The following PCDHA10 variants were observed in gnomAD, a reference collection of about 807,000 sequenced individuals.
PCDHA10 encodes protocadherin alpha 10.
In PCDHA10, 45 loss-of-function variants were observed where a neutral mutation model predicts 61.2. That is an observed-to-expected ratio of 0.74 (90% CI 0.58 to 0.94). PCDHA10 has a LOEUF of 0.94. PCDHA10 is among the 40% of genes least tolerant of loss of function. The pLI, the probability that PCDHA10 is intolerant of heterozygous loss-of-function variation, is 0.00. For missense variants in PCDHA10, 1,278 were observed against 1,236.2 expected, an observed-to-expected ratio of 1.03 and a Z score of -0.51; for synonymous variants, 602 against 548.8, an observed-to-expected ratio of 1.10 and a Z score of -1.35.
chr5:140,884,314 G>A, intron 1 of PCDHA10: 1 of 1,613,760 alleles, frequency 6.2e-7, no homozygotes, highest in Non-Finnish European at 8.5e-7. Context: ...CGTCGAGGGC[G>A]TCGGCAGGCG....
rs147047116 is a variant in PCDHA10, at chr5:140,937,713, C to T, written c.2389-41236C>T. Among the ~76,000 whole-genome samples the T allele has an allele frequency of 7.0e-4, 107 of 151,998 alleles. No homozygotes were observed. The East Asian group carries it at 0.02, about 28-fold the overall frequency. On this transcript the variant is annotated intron_variant, in intron 1 of 3. Transcript: ENST00000307360. The stretch of plus-strand genomic sequence containing the variant: ...GGATCACGAGGTCAGGAGATCAAGA[C>T]CATCCTGGCTAACACGGTGAAACCC...
chr5:140,884,598 C>T (rs782317237), intron 1 of PCDHA10: 4 of 1,614,108 alleles, frequency 2.5e-6, no homozygotes. Flanking sequence ...CCCAGCCTTC[C>T]TCCTTGTCTG....
chr5:141,007,079 TAGAGA>T (rs1308407580), intron 3 of PCDHA10, among the ~76,000 whole-genome samples: 1 of 151,804 alleles, frequency 6.6e-6, no homozygotes, highest in African/African-American at 2.4e-5. Flanking sequence ...GAAGAGAAAA[TAGAGA>T]AGAGAGTCTA....
intron 1 of PCDHA10, among the ~76,000 whole-genome samples, chr5:140,941,846 C>T (rs2093181493): frequency 6.6e-6 from 1 of 152,178 alleles, no homozygotes; most frequent in Non-Finnish European, 1.5e-5. Flanking sequence ...CTGCCATTAC[C>T]TGATATTCCC....
intron 1 of PCDHA10, chr5:140,882,004 C>CA (rs1296948506): frequency 1.0e-5 from 5 of 496,760 alleles, no homozygotes; most frequent in Non-Finnish European, 1.7e-5. Flanking sequence ...ATGCAAGGGG[C>CA]AAAAAAATAC....
At chr5:140,993,464 A>T (rs1309811031) in intron 3 of PCDHA10, among the ~76,000 whole-genome samples, 11 of 28,960 alleles carry the variant, frequency 3.8e-4, no homozygotes, top group South Asian at 2.7e-3. Flanking sequence ...TTTCTTTCTC[A>T]CACACACACA....
chr5:140,969,274 TG>T, intron 1 of PCDHA10: 1 of 1,614,158 alleles, frequency 6.2e-7, no homozygotes, highest in Non-Finnish European at 8.5e-7. Flanking sequence ...CAGGCCAAAG[TG>T]GTCAGAATGC....
chr5:140,982,330 A>G (rs1164990385), intron 2 of PCDHA10, 145 bp from the exon 3 acceptor site: 3 of 1,429,408 alleles, frequency 2.1e-6, no homozygotes, highest in Non-Finnish European at 2.8e-6. Flanking sequence ...GTGACTGCTC[A>G]GCAGTAATTG....
At chr5:140,975,472 A>G (rs1012106018) in intron 1 of PCDHA10, among the ~76,000 whole-genome samples, 2 of 152,250 alleles carry the variant, frequency 1.3e-5, no homozygotes, top group African/African-American at 4.8e-5. Flanking sequence ...AATTCTGCCT[A>G]TCAGTTTATA....
chr5:140,879,027 G>C (rs2057822967), intron 1 of PCDHA10, among the ~76,000 whole-genome samples: 1 of 152,184 alleles, frequency 6.6e-6, no homozygotes, highest in African/African-American at 2.4e-5. Context: ...TTTTATTGAA[G>C]AGTGTCTTGA....
chr5:140,928,570 C>A (rs2085340367), intron 1 of PCDHA10: 1 of 1,614,196 alleles, frequency 6.2e-7, no homozygotes, highest in South Asian at 1.1e-5. Flanking sequence ...GTTTCCCTTG[C>A]CCAGAAATGG....
intron 1 of PCDHA10, among the ~76,000 whole-genome samples, chr5:140,950,648 T>C (rs2153690319): frequency 6.6e-6 from 1 of 152,222 alleles, no homozygotes; most frequent in East Asian, 1.9e-4. Flanking sequence ...CTGTTTATGG[T>C]TGGCTGAGTT....
chr5:140,945,516 A>C (rs1192013721), intron 1 of PCDHA10, among the ~76,000 whole-genome samples: 2 of 152,154 alleles, frequency 1.3e-5, no homozygotes, highest in Non-Finnish European at 2.9e-5. Flanking sequence ...AAAGTAAATA[A>C]ATAAATAAAA....
intron 1 of PCDHA10, chr5:140,871,068 G>GC (rs782196824): frequency 1.2e-6 from 2 of 1,613,112 alleles, no homozygotes; most frequent in African/African-American, 2.7e-5. Flanking sequence ...ATCACGGTGA[G>GC]CCGGCGCTGA....
At chr5:140,881,650 T>C (rs508730) in intron 1 of PCDHA10, among the ~76,000 whole-genome samples, 2,267 of 152,332 alleles carry the variant, frequency 0.015, 53 homozygotes, top group African/African-American at 0.052. Flanking sequence ...ATTTTTCACC[T>C]TCACCGATTT....
intron 1 of PCDHA10, chr5:140,881,180 T>C: frequency 6.0e-6 from 1 of 167,460 alleles, no homozygotes; most frequent in Non-Finnish European, 1.2e-5. Context: ...TTTTCCTTGC[T>C]AAAGATATGT....
At chr5:140,924,175 A>G (rs1179259744) in intron 1 of PCDHA10, among the ~76,000 whole-genome samples, 4 of 152,244 alleles carry the variant, frequency 2.6e-5, no homozygotes, top group Non-Finnish European at 5.9e-5. Context: ...CTGGCACTGA[A>G]GCAGAAAATT....
chr5:140,893,112 G>T (rs782797637), intron 1 of PCDHA10, among the ~76,000 whole-genome samples: 5 of 152,148 alleles, frequency 3.3e-5, no homozygotes, highest in Non-Finnish European at 7.3e-5. Flanking sequence ...ATTCCGTTGT[G>T]CATATACACC....
chr5:140,882,391 C>T, intron 1 of PCDHA10: 2 of 1,614,214 alleles, frequency 1.2e-6, no homozygotes, highest in Non-Finnish European at 8.5e-7. Context: ...AAGCAAAACA[C>T]GGCACCTTCG....
Sources: allele counts gnomAD v4.1 joint callset (sites outside exome capture counted in the v4.1 genomes callset), GRCh38; gene constraint gnomAD v4.1.1; transcripts MANE v1.5; gene names NCBI Gene and HGNC (gene_info 2026-07-23, HGNC 2026-07-21).